Variants in CRTC3 observed in about 807,000 individuals in gnomAD.
The protein encoded by CRTC3 is CREB-regulated transcription coactivator 3.
Under a neutral mutation model 74.5 loss-of-function variants are expected in CRTC3, and 26 were observed. The observed-to-expected ratio is 0.35, with a 90% confidence interval of 0.26 to 0.48. The LOEUF is 0.48. Among genes scored for constraint, CRTC3 ranks in the 20% least tolerant of loss-of-function variants. The pLI, the probability that CRTC3 is intolerant of heterozygous loss-of-function variation, is 0.99. For synonymous variants in CRTC3, 377 were observed against 325.8 expected, an observed-to-expected ratio of 1.16 and a Z score of -1.69; for missense variants, 760 against 787.3, an observed-to-expected ratio of 0.97 and a Z score of 0.41.
chr15:90,634,738 C>A, intron 11 of CRTC3: 2 of 830,440 alleles, frequency 2.4e-6, no homozygotes, highest in Non-Finnish European at 4.1e-6. Flanking sequence ...GCAGGACAAG[C>A]GTGTAGAAAG....
At chr15:90,548,216 T>A (rs1966848052) in intron 2 of CRTC3, among the ~76,000 whole-genome samples, 1 of 152,184 alleles carries the variant, frequency 6.6e-6, no homozygotes, top group African/African-American at 2.4e-5. Flanking sequence ...CCTACCCTAG[T>A]CCTTTCAAAT....
At chr15:90,532,546 C>G (rs1407799324) in intron 1 of CRTC3, among the ~76,000 whole-genome samples, 1 of 152,192 alleles carries the variant, frequency 6.6e-6, no homozygotes, top group African/African-American at 2.4e-5. Context: ...TGCTCTTTCC[C>G]CTCTGAGCCT....
intron 11 of CRTC3, chr15:90,635,167 A>G (rs550236662): frequency 2.5e-5 from 14 of 558,314 alleles, no homozygotes; most frequent in Admixed American, 2.4e-4. Flanking sequence ...AGTGTCTCCA[A>G]AATTGTTTCC....
intron 9 of CRTC3, among the ~76,000 whole-genome samples, chr15:90,623,107 T>C (rs748356475): frequency 1.3e-5 from 2 of 152,148 alleles, no homozygotes; most frequent in Admixed American, 6.5e-5. Context: ...AGGTCCCTCC[T>C]AGTCAGGCCG....
At position 90,643,938 on chromosome 15, in the gene CRTC3, T is replaced by G. The variant is rs1377064445; in HGVS notation, c.*1798T>G. On this transcript the variant is annotated 3_prime_UTR_variant, in exon 15 of 15. Transcript: ENST00000268184. ...ACACCTGTCCCTTATGTAAAAGGAG[T>G]CGTGGTCACAAGACCCTGGGCTGGT... 1 of 232,404 alleles carries G rather than the reference T, an allele frequency of 4.3e-6. No homozygotes were observed. The highest frequency in any genetic ancestry group is 5.6e-5 in the Admixed American group (1 of 17,722). 14.4% of individuals were successfully genotyped at this position (232,404 alleles called of 1,614,324 possible). A position where few individuals can be genotyped will look rare whatever the true frequency, so the allele number is the denominator to read the frequency against.
intron 9 of CRTC3, among the ~76,000 whole-genome samples, chr15:90,621,781 G>A (rs1213359412): frequency 2.6e-5 from 4 of 152,210 alleles, no homozygotes; most frequent in African/African-American, 7.2e-5. Flanking sequence ...CTTAGGTAGA[G>A]AAAGTTGCTT....
At chr15:90,557,151 A>G (rs1200541727) in intron 2 of CRTC3, among the ~76,000 whole-genome samples, 1 of 152,092 alleles carries the variant, frequency 6.6e-6, no homozygotes, top group Non-Finnish European at 1.5e-5. Context: ...GTAGAAAACA[A>G]TTTTAATCAG....
chr15:90,615,108 TAAAC>T (rs1968459409), intron 7 of CRTC3, among the ~76,000 whole-genome samples: 1 of 151,042 alleles, frequency 6.6e-6, no homozygotes. Flanking sequence ...ATTGATCACT[TAAAC>T]AATTAGTTAT....
At chr15:90,555,183 C>G (rs1005368101) in intron 2 of CRTC3, among the ~76,000 whole-genome samples, 2 of 152,094 alleles carry the variant, frequency 1.3e-5, no homozygotes, top group African/African-American at 4.8e-5. Flanking sequence ...TGGCAGCCCC[C>G]CTTTTTAGTT....
At chr15:90,593,220 T>C (rs1376998025) in intron 2 of CRTC3, among the ~76,000 whole-genome samples, 1 of 152,200 alleles carries the variant, frequency 6.6e-6, no homozygotes, top group East Asian at 1.9e-4. Flanking sequence ...TTTCAAACAT[T>C]ATGAATTCAA....
intron 4 of CRTC3, among the ~76,000 whole-genome samples, chr15:90,603,234 G>A (rs1425918957): frequency 1.3e-5 from 2 of 151,172 alleles, no homozygotes; most frequent in Admixed American, 1.3e-4. Context: ...ACAAGCTCAG[G>A]AGATCGAGAC....
At chr15:90,545,094 A>G (rs1223838895) in intron 2 of CRTC3, among the ~76,000 whole-genome samples, 1 of 152,172 alleles carries the variant, frequency 6.6e-6, no homozygotes, top group African/African-American at 2.4e-5. Flanking sequence ...GGGAAATCAT[A>G]TACTATTTGT....
chr15:90,556,903 A>T (rs1044647564), intron 2 of CRTC3, among the ~76,000 whole-genome samples: 9 of 149,190 alleles, frequency 6.0e-5, no homozygotes, highest in African/African-American at 2.2e-4. Context: ...AAATAAATCT[A>T]ATTTCATTTT....
At chr15:90,618,159 G>A (rs1293699873) in intron 8 of CRTC3, 191 bp downstream of exon 8, 3 of 345,212 alleles carry the variant, frequency 8.7e-6, no homozygotes, top group African/African-American at 6.5e-5. Context: ...CAATGAATTA[G>A]CACATTGATC....
chr15:90,592,831 T>G (rs762897155), intron 2 of CRTC3, among the ~76,000 whole-genome samples: 3 of 152,186 alleles, frequency 2.0e-5, no homozygotes, highest in Non-Finnish European at 4.4e-5. Context: ...GAGCCTGAGA[T>G]GAGTGCGGCT....
At chr15:90,584,741 C>G (rs1341625890) in intron 2 of CRTC3, among the ~76,000 whole-genome samples, 3 of 151,894 alleles carry the variant, frequency 2.0e-5, no homozygotes, top group Admixed American at 1.3e-4. Context: ...CCGTTAGAGC[C>G]AAGCATTAAC....
rs138574483 is a variant in CRTC3 at position 90,597,747 on chromosome 15, T to C, written c.351+3992T>C. On this transcript the variant is annotated intron_variant, in intron 3 of 14. Coordinates refer to ENST00000268184, the MANE Select transcript of CRTC3 (RefSeq NM_022769.5). ...TCTTATCTTGAAGGACAAGGAAACA[T>C]TGGTCTTTAGAATTTTAAGGGGGAA... The C allele has an allele frequency of 9.2e-5, 14 of 152,296 alleles. No homozygotes were observed. The East Asian group carries it at 2.3e-3, about 25-fold the overall frequency. 9.4% of individuals were successfully genotyped at this position (152,296 alleles called of 1,614,324 possible).
intron 9 of CRTC3, 98 bp from the exon 10 acceptor site, chr15:90,625,675 AGCC>A: frequency 9.5e-7 from 1 of 1,053,980 alleles, no homozygotes; most frequent in South Asian, 1.4e-5. Context: ...GGTCTTTTGT[AGCC>A]ACTGCTCTTA....
At chr15:90,587,418 G>A (rs932261439) in intron 2 of CRTC3, among the ~76,000 whole-genome samples, 2 of 152,070 alleles carry the variant, frequency 1.3e-5, no homozygotes, top group East Asian at 1.9e-4. Flanking sequence ...TCCCCTCCCC[G>A]GTCTATCTAG....
Sources: gnomAD v4.1 joint callset for allele counts (sites outside exome capture counted in the v4.1 genomes callset) on GRCh38, gnomAD v4.1.1 for gene constraint, MANE v1.5 for transcripts, NCBI Gene and HGNC (gene_info 2026-07-23, HGNC 2026-07-21) for gene names.